The following EYA1 variants were observed in gnomAD, a reference collection of about 807,000 sequenced individuals.
EYA1 encodes the protein EYA transcriptional coactivator and phosphatase 1, also known as protein phosphatase EYA1.
EYA1 carries 16 observed loss-of-function variants against 82.0 expected under a neutral mutation model. The observed-to-expected ratio is 0.20, with a 90% CI of 0.13 to 0.30. The LOEUF (loss-of-function observed/expected upper bound fraction) is 0.30. EYA1 is among the 10% of genes least tolerant of loss of function. EYA1 has a pLI of 1.00. For synonymous variants in EYA1, 261 were observed against 264.4 expected (o/e 0.99, Z 0.12); for missense variants, 633 against 730.7 (o/e 0.87, Z 1.54).
chr8:71,462,126 A>G (rs1188632274), intron 2 of EYA1, among the ~76,000 whole-genome samples: 3 of 151,780 alleles, frequency 2.0e-5, no homozygotes, highest in African/African-American at 4.8e-5. Context: ...TGGGGCCTCA[A>G]TGGGGACCCA....
intron 11 of EYA1, among the ~76,000 whole-genome samples, chr8:71,251,777 A>G (rs1216008646): frequency 6.6e-6 from 1 of 152,126 alleles, no homozygotes; most frequent in Non-Finnish European, 1.5e-5. Flanking sequence ...AATTTTCATC[A>G]TGTACCCAAA....
intron 2 of EYA1, among the ~76,000 whole-genome samples, chr8:71,413,189 A>G (rs1456141576): frequency 2.0e-5 from 3 of 152,212 alleles, no homozygotes; most frequent in African/African-American, 7.2e-5. Context: ...ATTATCTTTA[A>G]AATGTCAAAA....
At chr8:71,394,635 T>G (rs116527791) in intron 2 of EYA1, among the ~76,000 whole-genome samples, 3,706 of 152,274 alleles carry the variant, frequency 0.024, 148 homozygotes, top group African/African-American at 0.082. Flanking sequence ...GGATCTATTC[T>G]GTTCTATTGG....
intron 2 of EYA1, among the ~76,000 whole-genome samples, chr8:71,378,063 T>A (rs1037920053): frequency 2.0e-5 from 3 of 152,130 alleles, no homozygotes; most frequent in South Asian, 4.2e-4. Flanking sequence ...CTCATTCCCA[T>A]ACATGCTTCA....
chr8:71,474,777 G>C (rs1809519581), intron 2 of EYA1, among the ~76,000 whole-genome samples: 1 of 152,024 alleles, frequency 6.6e-6, no homozygotes, highest in African/African-American at 2.4e-5. Context: ...TAGCAACAGG[G>C]GACTGGTAAA....
At chr8:71,520,210 T>C (rs2129268810) in intron 2 of EYA1, among the ~76,000 whole-genome samples, 1 of 147,750 alleles carries the variant, frequency 6.8e-6, no homozygotes, top group East Asian at 2.2e-4. Context: ...AACCCCCTCA[T>C]TGGCCCCCCC....
At chr8:71,497,199 A>C (rs762874910) in intron 2 of EYA1, among the ~76,000 whole-genome samples, 7 of 152,228 alleles carry the variant, frequency 4.6e-5, no homozygotes, top group Non-Finnish European at 8.8e-5. Flanking sequence ...ATAACACTAA[A>C]GATAGCTGAT....
chr8:71,385,739 C>T (rs1355239471), intron 2 of EYA1, among the ~76,000 whole-genome samples: 1 of 152,116 alleles, frequency 6.6e-6, no homozygotes, highest in Admixed American at 6.6e-5. Context: ...ATGTGAAACC[C>T]CACTTTAAAA....
At chr8:71,365,409 A>G (rs148600359), upstream of EYA1, among the ~76,000 whole-genome samples, 6 of 152,204 alleles carry the variant, frequency 3.9e-5, no homozygotes, top group Middle Eastern at 3.4e-3. Flanking sequence ...TGAGATGATT[A>G]TTTTTCAAAA....
chr8:71,322,231 G>T lies in EYA1; in HGVS notation c.240C>A (p.His80Gln). 1 of 1,614,064 alleles carries T rather than the reference G, an allele frequency of 6.2e-7. No homozygotes were observed. Among genetic ancestry groups the T allele is most frequent in the Non-Finnish European group, 8.5e-7 (1 of 1,179,922 alleles). Residue 80 changes from histidine to glutamine, a missense_variant, in exon 5 of 18, where the codon CAC (histidine) becomes CAA (glutamine). Physicochemically the swap from His to Gln is conservative, Grantham distance 24. Coordinates refer to ENST00000340726, the MANE Select transcript of EYA1 (RefSeq NM_000503.6). ...GSSSFSPRPT[H>Q]QFSPPQIYPS... ...GGTAAATCTGTGGTGGAGAGAACTGGTGAGTTGGTCGTGGGCTGAAACTAC... is the reference window on the plus strand; with the variant it reads ...GGTAAATCTGTGGTGGAGAGAACTGTTGAGTTGGTCGTGGGCTGAAACTAC...
chr8:71,361,929 AG>A lies in EYA1; in HGVS notation c.-338del, dbSNP rs1827426777. The stretch of plus-strand genomic sequence containing the variant: ...CCCGCCACAGTGGACGGCAACAGGA[AG>A]GCTTAAAGTCGGAAGTGGCACTGGA... On this transcript the variant is annotated 5_prime_UTR_variant, in exon 1 of 18. It removes the in-frame stop codon of an upstream open reading frame in the 5' UTR. Coordinates refer to ENST00000340726, the MANE Select transcript of EYA1 (RefSeq NM_000503.6). 6 of 985,432 alleles carry A rather than the reference AG, an allele frequency of 6.1e-6. No homozygotes were observed. Among genetic ancestry groups the A allele is most frequent in the Middle Eastern group, 5.2e-4 (1 of 1,914 alleles). 61.0% of individuals were successfully genotyped at this position (985,432 alleles called of 1,614,324 possible). A position where few individuals can be genotyped will look rare whatever the true frequency, so the allele number is the denominator to read the frequency against.
Position 71,322,214 on chromosome 8 carries a change from T to C in EYA1, c.257A>G (p.Gln86Arg), listed in dbSNP as rs781429176. The change falls in exon 5 of 18, where the codon CAG becomes CGG. Residue 86 changes from glutamine to arginine, a missense_variant. Physicochemically the swap from Gln to Arg is conservative, Grantham distance 43. Coordinates refer to ENST00000340726, the MANE Select transcript of EYA1 (RefSeq NM_000503.6). ...TACATCTTACTTGGAAGGGTAAATC[T>C]GTGGTGGAGAGAACTGGTGAGTTGG... ...PRPTHQFSPPQIYPSNRPYPH... is the reference protein window; with the variant it reads ...PRPTHQFSPPRIYPSNRPYPH... The C allele has an allele frequency of 1.5e-5, 24 of 1,613,658 alleles. 1 individual carries two copies. The South Asian group carries it at 2.4e-4, about 16-fold the overall frequency.
intron 9 of EYA1, among the ~76,000 whole-genome samples, chr8:71,282,827 A>G (rs1360030424): frequency 6.6e-6 from 1 of 152,150 alleles, no homozygotes. Flanking sequence ...TCTTGTAAAC[A>G]TTAGACTTAC....
At chr8:71,517,338 C>T (rs1456982973) in intron 2 of EYA1, among the ~76,000 whole-genome samples, 1 of 151,944 alleles carries the variant, frequency 6.6e-6, no homozygotes, top group Admixed American at 6.6e-5. Context: ...TACAGTTAAA[C>T]ATATCATGAT....
At chr8:71,459,804 T>C (rs1808231907) in intron 2 of EYA1, among the ~76,000 whole-genome samples, 1 of 152,170 alleles carries the variant, frequency 6.6e-6, no homozygotes, top group African/African-American at 2.4e-5. Flanking sequence ...TCAATTATTA[T>C]TTTTTCTTAG....
At chr8:71,472,825 G>T (rs1379596074) in intron 2 of EYA1, among the ~76,000 whole-genome samples, 2 of 130,176 alleles carry the variant, frequency 1.5e-5, no homozygotes, top group Non-Finnish European at 3.1e-5. Flanking sequence ...CTGTCAGTGA[G>T]TATATGCATA....
chr8:71,370,869 C>A (rs1287685577), intron 2 of EYA1, among the ~76,000 whole-genome samples: 1 of 152,134 alleles, frequency 6.6e-6, no homozygotes, highest in Non-Finnish European at 1.5e-5. Context: ...AAGCGATGCT[C>A]CCACCTTGGC....
At chr8:71,421,594 C>G (rs1438946386) in intron 2 of EYA1, among the ~76,000 whole-genome samples, 1 of 152,082 alleles carries the variant, frequency 6.6e-6, no homozygotes, top group African/African-American at 2.4e-5. Context: ...GGTAGGGCAA[C>G]TTGTGGATAC....
intron 7 of EYA1, among the ~76,000 whole-genome samples, chr8:71,315,618 G>A (rs1821838174): frequency 6.6e-6 from 1 of 152,178 alleles, no homozygotes; most frequent in Admixed American, 6.5e-5. Context: ...AGCTCTATGA[G>A]CAAACAGACC....
Sources: allele counts gnomAD v4.1 joint callset (sites outside exome capture counted in the v4.1 genomes callset), GRCh38; gene constraint gnomAD v4.1.1; transcripts MANE v1.5; gene names NCBI Gene and HGNC (gene_info 2026-07-23, HGNC 2026-07-21).